Variants in CMKLR2 observed in about 807,000 individuals in gnomAD.
CMKLR2 encodes chemerin chemokine-like receptor 2, also known as chemerin-like receptor 2.
CMKLR2 carries 18 observed loss-of-function variants against 23.0 expected under a neutral mutation model. The ratio of observed to expected loss-of-function variants is 0.78; its 90% CI spans 0.54 to 1.16. The LOEUF is 1.16. CMKLR2 is among the 50% of genes most tolerant of loss of function. The pLI is 0.00. For synonymous variants in CMKLR2, 158 were observed against 158.9 expected, an observed-to-expected ratio of 0.99 and a Z score of 0.05; for missense variants, 401 against 412.7, an observed-to-expected ratio of 0.97 and a Z score of 0.25.
intron 1 of CMKLR2, among the ~76,000 whole-genome samples, chr2:206,189,108 T>A (rs557548249): frequency 3.9e-5 from 6 of 152,196 alleles, no homozygotes; most frequent in Non-Finnish European, 7.4e-5. Context: ...AGATAGGTTT[T>A]TCATGGATCA....
chr2:206,210,568 C>T (rs1392392097), intron 1 of CMKLR2, among the ~76,000 whole-genome samples: 1 of 151,964 alleles, frequency 6.6e-6, no homozygotes, highest in Non-Finnish European at 1.5e-5. Context: ...AAGCGATTCT[C>T]CTGCCTCAGC....
intron 1 of CMKLR2, among the ~76,000 whole-genome samples, chr2:206,194,528 G>T (rs1167387825): frequency 2.0e-5 from 3 of 148,956 alleles, no homozygotes; most frequent in Admixed American, 6.8e-5. Context: ...GCGTAATATG[G>T]CTCACTGCAA....
chr2:206,189,214 G>A (rs540450154), intron 1 of CMKLR2, among the ~76,000 whole-genome samples: 2 of 152,338 alleles, frequency 1.3e-5, no homozygotes, highest in African/African-American at 2.4e-5. Context: ...CTCTGTCTAC[G>A]TAGGTTGCCT....
intron 1 of CMKLR2, among the ~76,000 whole-genome samples, chr2:206,185,945 G>A (rs959238244): frequency 2.0e-5 from 3 of 152,096 alleles, no homozygotes; most frequent in African/African-American, 7.2e-5. Context: ...CCAAGTAAAT[G>A]AAGAAAACAT....
intron 1 of CMKLR2, among the ~76,000 whole-genome samples, chr2:206,196,371 C>T (rs937448820): frequency 4.1e-5 from 6 of 146,552 alleles, no homozygotes; most frequent in African/African-American, 1.0e-4. Context: ...GACTCTGTCT[C>T]AAAAAAATAA....
chr2:206,187,589 T>C (rs1688621462), intron 1 of CMKLR2, among the ~76,000 whole-genome samples: 1 of 152,206 alleles, frequency 6.6e-6, no homozygotes, highest in Non-Finnish European at 1.5e-5. Context: ...TAAAAAGTGG[T>C]ATTACACTGT....
intron 1 of CMKLR2, among the ~76,000 whole-genome samples, chr2:206,192,197 C>T (rs1688772296): frequency 6.6e-6 from 1 of 151,482 alleles, no homozygotes; most frequent in Non-Finnish European, 1.5e-5. Context: ...CCAGGCTGGT[C>T]TCGAACTCCT....
chr2:206,216,616 A>C (rs1689762735), upstream of CMKLR2, among the ~76,000 whole-genome samples: 2 of 152,314 alleles, frequency 1.3e-5, no homozygotes, highest in Admixed American at 1.3e-4. Flanking sequence ...GTGTGCAAGC[A>C]GGTCTATAGG....
Position 206,176,928 on chromosome 2 carries a change from A to T in CMKLR2, c.320T>A (p.Ile107Asn). Residue 107 changes from isoleucine to asparagine, a missense_variant, in exon 2 of 2, where the codon ATC becomes AAC. By Grantham distance (149) the Ile-to-Asn change is moderately radical. Transcript: ENST00000621141. ...VAMNFHWPFGIWLCKANSFTA... is the reference protein window; with the variant it reads ...VAMNFHWPFGNWLCKANSFTA... ...GAAGGAATTGGCTTTGCACAGCCAG[A>T]TGCCAAAGGGCCAGTGGAAATTCAT... The T allele has an allele frequency of 6.2e-7, 1 of 1,614,250 alleles. No homozygotes were observed. The highest frequency in any genetic ancestry group is 8.5e-7 in the Non-Finnish European group (1 of 1,180,046).
At chr2:206,199,172 A>C (rs549920611) in intron 1 of CMKLR2, among the ~76,000 whole-genome samples, 3 of 152,170 alleles carry the variant, frequency 2.0e-5, no homozygotes, top group Non-Finnish European at 4.4e-5. Flanking sequence ...CCAGGTGGGC[A>C]GATTACTTGA....
chr2:206,214,825 C>G (rs1045834357), upstream of CMKLR2, among the ~76,000 whole-genome samples: 1 of 151,784 alleles, frequency 6.6e-6, no homozygotes, highest in Non-Finnish European at 1.5e-5. Context: ...CGGGGTTTCA[C>G]CATGTTAGCC....
intron 1 of CMKLR2, among the ~76,000 whole-genome samples, chr2:206,207,614 T>C (rs1475104285): frequency 6.6e-6 from 1 of 151,788 alleles, no homozygotes; most frequent in Non-Finnish European, 1.5e-5. Flanking sequence ...CATTTAACTC[T>C]CACAAGAATC....
rs1258778861 is a variant in CMKLR2 at position 206,213,342 on chromosome 2, T to C, written c.-64A>G. The C allele has an allele frequency of 2.6e-5, 4 of 152,240 alleles. No homozygotes were observed. The highest frequency in any genetic ancestry group is 2.6e-4 in the Admixed American group (4 of 15,282). The allele number at this position is 152,240 out of a possible 1,614,324, so 9.4% of individuals were successfully genotyped here. On this transcript the variant is annotated 5_prime_UTR_variant, in exon 1 of 2. The change abolishes an upstream ATG in the 5' untranslated region. Coordinates refer to ENST00000621141, the MANE Select transcript of CMKLR2 (RefSeq NM_001389445.1). Reference sequence around the variant, plus strand: ...TCTGTGAGGAGAGAAGCTATTGTCATGCCTGGGTGTACCTTCCCGGTTCCA... The same window carrying C: ...TCTGTGAGGAGAGAAGCTATTGTCACGCCTGGGTGTACCTTCCCGGTTCCA...
intron 1 of CMKLR2, among the ~76,000 whole-genome samples, chr2:206,185,932 G>T (rs571222412): frequency 1.4e-4 from 22 of 152,150 alleles, no homozygotes; most frequent in African/African-American, 5.1e-4. Flanking sequence ...GAGCCACCTT[G>T]CACCAAGTAA....
At chr2:206,200,221 C>T (rs967730628) in intron 1 of CMKLR2, among the ~76,000 whole-genome samples, 7 of 151,768 alleles carry the variant, frequency 4.6e-5, no homozygotes, top group Admixed American at 2.6e-4. Flanking sequence ...GTCAGAAGTT[C>T]GAGATCAGCC....
intron 1 of CMKLR2, among the ~76,000 whole-genome samples, chr2:206,180,086 CT>C (rs780223265): frequency 2.6e-5 from 4 of 151,952 alleles, no homozygotes; most frequent in African/African-American, 4.8e-5. Context: ...CATTTTCTGA[CT>C]TACCTTCCTG....
At chr2:206,201,879 G>T (rs72944893) in intron 1 of CMKLR2, among the ~76,000 whole-genome samples, 1 of 152,272 alleles carries the variant, frequency 6.6e-6, no homozygotes, top group Non-Finnish European at 1.5e-5. Flanking sequence ...ACTGGTGGAA[G>T]CTATTTATCC....
At chr2:206,177,843 T>A (rs1688282607) in intron 1 of CMKLR2, among the ~76,000 whole-genome samples, 1 of 152,210 alleles carries the variant, frequency 6.6e-6, no homozygotes, top group Non-Finnish European at 1.5e-5. Flanking sequence ...ACTCTACGGT[T>A]ATAATTCTTC....
chr2:206,205,227 A>G (rs1289089724), intron 1 of CMKLR2, among the ~76,000 whole-genome samples: 5 of 152,220 alleles, frequency 3.3e-5, no homozygotes, highest in Non-Finnish European at 5.9e-5. Flanking sequence ...TTCAAAAATC[A>G]ATCTTTTATT....
Sources: allele counts gnomAD v4.1 joint callset (sites outside exome capture counted in the v4.1 genomes callset), GRCh38; gene constraint gnomAD v4.1.1; transcripts MANE v1.5; gene names NCBI Gene and HGNC (gene_info 2026-07-23, HGNC 2026-07-21).